GALK2: variants seen among roughly 807,000 people sequenced by gnomAD.
GALK2 encodes the protein galactokinase 2.
A neutral mutation model predicts 52.4 loss-of-function variants in GALK2; 36 were observed. That is an observed-to-expected ratio of 0.69 (90% CI 0.53 to 0.91). The LOEUF (loss-of-function observed/expected upper bound fraction) is 0.91. Ranked by LOEUF, GALK2 falls within the 40% of genes least tolerant of loss-of-function variation. The pLI is 0.00. For synonymous variants in GALK2, 176 were observed against 199.1 expected (o/e 0.88, Z 0.98); for missense variants, 579 against 559.1 (o/e 1.04, Z -0.36).
At chr15:49,347,117 C>A (rs569194827) in intron 3 of GALK2, among the ~76,000 whole-genome samples, 1 of 152,228 alleles carries the variant, frequency 6.6e-6, no homozygotes, top group African/African-American at 2.4e-5. Flanking sequence ...TTTAATACAT[C>A]ATTATCAGCA....
intron 2 of GALK2, among the ~76,000 whole-genome samples, chr15:49,205,759 G>C (rs1413593863): frequency 6.6e-6 from 1 of 152,090 alleles, no homozygotes; most frequent in African/African-American, 2.4e-5. Flanking sequence ...GTTTATCTTT[G>C]CTTTTATTGC....
chr15:49,347,095 T>G (rs1021933964), intron 3 of GALK2, among the ~76,000 whole-genome samples: 1 of 152,230 alleles, frequency 6.6e-6, no homozygotes, highest in African/African-American at 2.4e-5. Context: ...GCAGTTCTAG[T>G]AAGTTTCACT....
intron 7 of GALK2, 72 bp from the exon 8 acceptor site, chr15:49,292,255 A>C: frequency 7.4e-7 from 1 of 1,355,426 alleles, no homozygotes; most frequent in Admixed American, 2.0e-5. Flanking sequence ...TTAACGTTGA[A>C]TCTGGCTAAT....
intron 1 of GALK2, among the ~76,000 whole-genome samples, chr15:49,157,458 T>C (rs1268893231): frequency 6.6e-6 from 1 of 152,236 alleles, no homozygotes; most frequent in African/African-American, 2.4e-5. Context: ...GGAATAATTG[T>C]CTTTACAGTT....
At chr15:49,366,165 C>A (rs1265483517) in intron 3 of GALK2, 2 of 917,680 alleles carry the variant, frequency 2.2e-6, no homozygotes, top group South Asian at 1.3e-5. Context: ...ACAAAAATAA[C>A]CACCATAGTA....
chr15:49,365,712 G>C (rs1246890306), intron 3 of GALK2: 5 of 901,274 alleles, frequency 5.5e-6, no homozygotes, highest in Non-Finnish European at 7.5e-6. Context: ...AATTCAGACA[G>C]AAAGCAATCT....
intron 8 of GALK2, among the ~76,000 whole-genome samples, chr15:49,299,760 T>TTTCTTTCTTTCTTTCTTTCC (rs2034895046): frequency 8.1e-6 from 1 of 123,532 alleles, no homozygotes; most frequent in African/African-American, 3.0e-5. Flanking sequence ...TCTTTCTTTC[T>TTTCTTTCTTTCTTTCTTTCC]TTCTTTCTTT....
intron 5 of GALK2, among the ~76,000 whole-genome samples, chr15:49,276,544 A>G (rs903382172): frequency 2.0e-5 from 3 of 152,162 alleles, no homozygotes; most frequent in African/African-American, 7.2e-5. Flanking sequence ...GTAGGTATGG[A>G]GTATTGATTC....
At chr15:49,185,464 A>G (rs2086275582) in intron 1 of GALK2, 1 of 152,198 alleles carries the variant, frequency 6.6e-6, no homozygotes, top group Non-Finnish European at 1.5e-5. Context: ...TCTTTTTGGT[A>G]GAATGATTTA....
intron 1 of GALK2, among the ~76,000 whole-genome samples, chr15:49,175,485 G>A (rs1345279381): frequency 1.3e-5 from 2 of 152,116 alleles, no homozygotes; most frequent in East Asian, 1.9e-4. Flanking sequence ...ACCTGATAAA[G>A]GGACATCTAC....
chr15:49,328,971 TGATAATTCA>T lies in GALK2; in HGVS notation c.*823_*831del, dbSNP rs1013690063. 8.1e-5 allele frequency: 86 copies of T among 1,055,858 alleles called. No individual in the cohort carries two copies. The African/African-American group carries it at 1.3e-3, about 16-fold the overall frequency. The allele number at this position is 1,055,858 out of a possible 1,614,324, so 65.4% of individuals were successfully genotyped here. ...ACATTGAAATAAAGAATTATCTAGATGATAATTCAGATAATTCAGTTTGTTCATAGAATT... is the reference window on the plus strand; with the variant it reads ...ACATTGAAATAAAGAATTATCTAGATGATAATTCAGTTTGTTCATAGAATT... On this transcript the variant is annotated 3_prime_UTR_variant, in exon 10 of 10. Coordinates refer to ENST00000560031, the MANE Select transcript of GALK2 (RefSeq NM_002044.4).
At chr15:49,178,999 AT>A (rs2085747824) in intron 1 of GALK2, among the ~76,000 whole-genome samples, 3 of 152,002 alleles carry the variant, frequency 2.0e-5, no homozygotes. Flanking sequence ...CCTATCTACT[AT>A]TTTTATTTTC....
At chr15:49,287,992 C>G (rs1261178346) in intron 7 of GALK2, among the ~76,000 whole-genome samples, 1 of 152,108 alleles carries the variant, frequency 6.6e-6, no homozygotes, top group African/African-American at 2.4e-5. Context: ...CTAATTCATG[C>G]AAATTCATAA....
chr15:49,306,559 C>A (rs77998906), intron 8 of GALK2, among the ~76,000 whole-genome samples: 9,172 of 151,948 alleles, frequency 0.06, 547 homozygotes, highest in African/African-American at 0.15. Flanking sequence ...CTTTTTATTC[C>A]CTTATGTATT....
chr15:49,340,726 C>T (rs1008072092), intron 3 of GALK2, among the ~76,000 whole-genome samples: 12 of 152,020 alleles, frequency 7.9e-5, no homozygotes, highest in Non-Finnish European at 1.5e-4. Context: ...TTATTGACTA[C>T]GTTGATGTTT....
At chr15:49,276,240 T>A (rs916744947) in intron 5 of GALK2, among the ~76,000 whole-genome samples, 6 of 152,180 alleles carry the variant, frequency 3.9e-5, no homozygotes, top group Non-Finnish European at 7.3e-5. Flanking sequence ...AGAAAATACA[T>A]GGTAGAGACG....
chr15:49,293,838 G>T (rs1256929388), intron 8 of GALK2, among the ~76,000 whole-genome samples: 1 of 152,078 alleles, frequency 6.6e-6, no homozygotes, highest in Non-Finnish European at 1.5e-5. Context: ...AGGGGCTCAT[G>T]CCTGTAATTC....
Position 49,328,132 on chromosome 15 carries a change from T to G in GALK2, c.1350T>G (p.Gly450=), listed in dbSNP as rs147218231. 1.4e-5 allele frequency: 23 copies of G among 1,613,720 alleles called. No individual in the cohort carries two copies. The highest frequency in any genetic ancestry group is 1.9e-5 in the Non-Finnish European group (22 of 1,179,912). ...KQSLFATKPG[G]GALVLLEA ...GTTTGTTTGCTACCAAACCTGGAGG[T>G]GGGGCTTTGGTTTTGCTTGAGGCCT... The change falls in exon 10 of 10, where the codon GGT becomes GGG. Residue 450 remains glycine (G), a synonymous_variant. Transcript: ENST00000560031.
At chr15:49,213,560 C>A (rs960697336) in intron 2 of GALK2, among the ~76,000 whole-genome samples, 2 of 151,920 alleles carry the variant, frequency 1.3e-5, no homozygotes, top group African/African-American at 4.8e-5. Context: ...ATATCTTTTT[C>A]TATTTTATTT....
Sources: gnomAD v4.1 joint callset for allele counts (sites outside exome capture counted in the v4.1 genomes callset) on GRCh38, gnomAD v4.1.1 for gene constraint, MANE v1.5 for transcripts, NCBI Gene and HGNC (gene_info 2026-07-23, HGNC 2026-07-21) for gene names.